The following GHRHR variants were observed in gnomAD, a reference collection of about 807,000 sequenced individuals.
GHRHR encodes growth hormone-releasing hormone receptor.
GHRHR carries 40 observed loss-of-function variants against 58.3 expected under a neutral mutation model. The ratio of observed to expected loss-of-function variants is 0.69; its 90% confidence interval spans 0.53 to 0.89. GHRHR has a LOEUF of 0.89. Ranked by LOEUF, GHRHR falls within the 40% of genes least tolerant of loss-of-function variation. GHRHR has a pLI of 0.00. For missense variants in GHRHR, 551 were observed against 541.3 expected, an observed-to-expected ratio of 1.02 and a Z score of -0.18; for synonymous variants, 249 against 216.6, an observed-to-expected ratio of 1.15 and a Z score of -1.31.
In GHRHR at chr7:30,979,001, T is replaced by C. The variant is rs190060210; in HGVS notation, c.1147-118T>C. 3.7e-3 allele frequency: 3,554 copies of C among 971,226 alleles called. 12 individuals carry two copies. Among genetic ancestry groups the C allele is most frequent in the Middle Eastern group, 0.01 (48 of 4,776 alleles). 60.2% of individuals were successfully genotyped at this position (971,226 alleles called of 1,614,324 possible). A position where few individuals can be genotyped will look rare whatever the true frequency, so the allele number is the denominator to read the frequency against. ...CAGTACCTGTTGCCAAGCATGACTT[T>C]TCCTGCCCCATGTCTCTGTTTCTCT... On this transcript the variant is annotated intron_variant, in intron 12 of 12. Coordinates refer to ENST00000326139, the MANE Select transcript of GHRHR (RefSeq NM_000823.4).
At chr7:30,964,632 G>A (rs1017928853) in intron 1 of GHRHR, among the ~76,000 whole-genome samples, 1 of 152,200 alleles carries the variant, frequency 6.6e-6, no homozygotes, top group African/African-American at 2.4e-5. Context: ...TGAAGAGGGT[G>A]TGGCCAGGGA....
At chr7:30,965,835 A>G (rs2267722) in intron 1 of GHRHR, among the ~76,000 whole-genome samples, 81,575 of 151,912 alleles carry the variant, frequency 0.54, 24,420 homozygotes, top group African/African-American at 0.82. Flanking sequence ...ATACAGGCCC[A>G]TCTGCCCTCC....
chr7:30,976,321 T>C, intron 10 of GHRHR, 108 bp from the exon 11 acceptor site: 1 of 1,009,772 alleles, frequency 9.9e-7, no homozygotes, highest in Non-Finnish European at 1.6e-6. Context: ...CCAAGGTGGC[T>C]GTTCCACAGA....
At chr7:30,973,919 A>G (rs1008484136) in intron 6 of GHRHR, 66 bp from the exon 7 acceptor site, 50 of 1,495,698 alleles carry the variant, frequency 3.3e-5, no homozygotes, top group Middle Eastern at 1.7e-4. Flanking sequence ...TGAGTAGGGT[A>G]GAGGAGACTG....
intron 11 of GHRHR, 106 bp from the exon 12 acceptor site, chr7:30,977,175 A>G: frequency 9.5e-7 from 1 of 1,048,086 alleles, no homozygotes; most frequent in East Asian, 2.4e-5. Flanking sequence ...AACCTGGCCC[A>G]AGCCATAGCC....
chr7:30,978,644 C>G (rs1441589470), intron 12 of GHRHR, among the ~76,000 whole-genome samples: 1 of 152,164 alleles, frequency 6.6e-6, no homozygotes, highest in African/African-American at 2.4e-5. Flanking sequence ...CATCTTGCCC[C>G]AGGCTACTTT....
intron 4 of GHRHR, 169 bp from the exon 5 acceptor site, chr7:30,970,950 A>C (rs533229761): frequency 1.5e-6 from 1 of 678,562 alleles, no homozygotes; most frequent in Non-Finnish European, 2.7e-6. Flanking sequence ...GCTGTAAACT[A>C]AAGCTCCAGT....
intron 12 of GHRHR, among the ~76,000 whole-genome samples, chr7:30,977,943 C>A (rs538908379): frequency 6.6e-6 from 1 of 152,314 alleles, no homozygotes; most frequent in East Asian, 1.9e-4. Flanking sequence ...TGAATTCCAC[C>A]CAGGAGACAC....
intron 1 of GHRHR, among the ~76,000 whole-genome samples, 167 bp from the exon 2 acceptor site, chr7:30,968,663 TTCCA>T (rs1792409659): frequency 8.4e-6 from 1 of 119,018 alleles, no homozygotes; most frequent in African/African-American, 3.3e-5. Flanking sequence ...CCTTCCTTCC[TTCCA>T]TCTGAACATC....
At chr7:30,976,792 C>A (rs891757634) in intron 11 of GHRHR, among the ~76,000 whole-genome samples, 4 of 152,048 alleles carry the variant, frequency 2.6e-5, no homozygotes, top group African/African-American at 9.7e-5. Context: ...GTGCATCCAT[C>A]CATCCATCCA....
intron 9 of GHRHR, among the ~76,000 whole-genome samples, 179 bp from the exon 10 acceptor site, chr7:30,975,598 C>T (rs370425238): frequency 2.6e-4 from 39 of 152,170 alleles, no homozygotes; most frequent in African/African-American, 8.9e-4. Context: ...GTGGGACCCC[C>T]GCCCCCCCAT....
At chr7:30,975,715 C>A in intron 9 of GHRHR, 62 bp from the exon 10 acceptor site, 2 of 960,946 alleles carry the variant, frequency 2.1e-6, no homozygotes, top group Non-Finnish European at 3.4e-6. Flanking sequence ...TGGGGCTCAC[C>A]CCAGCCACCC....
intron 5 of GHRHR, among the ~76,000 whole-genome samples, chr7:30,971,669 G>A (rs1792483365): frequency 1.3e-5 from 2 of 152,084 alleles, no homozygotes; most frequent in African/African-American, 4.8e-5. Flanking sequence ...GATCATCCAG[G>A]GGGCTCCCAT....
rs1282546826 is a variant in GHRHR at position 30,979,053 on chromosome 7, C to G, written c.1147-66C>G. The G allele has an allele frequency of 5.3e-6, 8 of 1,496,988 alleles. No homozygotes were observed. The East Asian group carries it at 1.6e-4, about 30-fold the overall frequency. The allele number at this position is 1,496,988 out of a possible 1,614,324, so 92.7% of individuals were successfully genotyped here. On this transcript the variant is annotated intron_variant, in intron 12 of 12. Transcript: ENST00000326139. ...ACACGGCCTCTCCCTGCACCTTAGT[C>G]TCATTGGGGTTGAGTAGCAAAGCCA...
chr7:30,975,100 G>A (rs1374157375), intron 9 of GHRHR, 60 bp downstream of exon 9: 9 of 1,158,582 alleles, frequency 7.8e-6, no homozygotes, highest in East Asian at 4.7e-5. Flanking sequence ...AACTACTGAC[G>A]GGCTGTGCAC....
At position 30,977,134 on chromosome 7, in the gene GHRHR, A is replaced by T. The variant is rs923439601; in HGVS notation, c.1105-147A>T. The T allele has an allele frequency of 1.3e-5, 10 of 770,310 alleles. No individual in the cohort carries two copies. The East Asian group carries it at 2.5e-4, about 19-fold the overall frequency. 47.7% of individuals were successfully genotyped at this position (770,310 alleles called of 1,614,324 possible). A position where few individuals can be genotyped will look rare whatever the true frequency, so the allele number is the denominator to read the frequency against. ...ACAATATGCCTGGCACATAGTAAGT[A>T]ATGAATGCATTTAAATTCCCCTTTC... On this transcript the variant is annotated intron_variant, in intron 11 of 12. Transcript: ENST00000326139.
chr7:30,974,536 G>T, intron 8 of GHRHR, 47 bp downstream of exon 8: 1 of 1,314,300 alleles, frequency 7.6e-7, no homozygotes, highest in Non-Finnish European at 1.1e-6. Context: ...CCTACATGGG[G>T]TGTGGAGTGG....
rs750425635 is a variant in GHRHR at position 30,974,390 on chromosome 7, G to T, written c.752-39G>T. 4.1e-5 allele frequency: 60 copies of T among 1,462,990 alleles called. No homozygotes were observed. In the East Asian group the frequency reaches 8.2e-4, roughly 20 times the overall value. 90.6% of individuals were successfully genotyped at this position (1,462,990 alleles called of 1,614,324 possible). A position where few individuals can be genotyped will look rare whatever the true frequency, so the allele number is the denominator to read the frequency against. On this transcript the variant is annotated intron_variant, in intron 7 of 12. Transcript: ENST00000326139. ...GGCGCCAGATCTCAGAGTCAAGGAT[G>T]CAGACTCCCTCGCTTGTGTCTTCCC...
At chr7:30,967,622 C>A (rs1405712383) in intron 1 of GHRHR, among the ~76,000 whole-genome samples, 1 of 60,990 alleles carries the variant, frequency 1.6e-5, no homozygotes, top group Non-Finnish European at 3.0e-5. Flanking sequence ...TCCACCTCCC[C>A]AGCCATATAT....
Sources: gnomAD v4.1 joint callset for allele counts (sites outside exome capture counted in the v4.1 genomes callset) on GRCh38, gnomAD v4.1.1 for gene constraint, MANE v1.5 for transcripts, NCBI Gene and HGNC (gene_info 2026-07-23, HGNC 2026-07-21) for gene names.